Variants in TCF20 observed in about 807,000 individuals in gnomAD.
TCF20 encodes SPRE-binding protein.
In TCF20, 3 loss-of-function variants were observed where a neutral mutation model predicts 148.6. That is an observed-to-expected ratio of 0.02 (90% CI 0.01 to 0.05). The LOEUF (loss-of-function observed/expected upper bound fraction) is 0.05, where lower values mean the gene tolerates loss of function less well. TCF20 is among the 10% of genes least tolerant of loss of function. The pLI, the probability that TCF20 is intolerant of heterozygous loss-of-function variation, is 1.00. For missense variants in TCF20, 2,350 were observed against 2,429.3 expected (o/e 0.97, Z 0.69); for synonymous variants, 1,049 against 909.5 (o/e 1.15, Z -2.76).
intron 1 of TCF20, among the ~76,000 whole-genome samples, chr22:42,332,427 T>C (rs887765348): frequency 6.6e-6 from 1 of 152,146 alleles, no homozygotes; most frequent in Non-Finnish European, 1.5e-5. Context: ...GATGGCAATG[T>C]AAGCAAGGGC....
At chr22:42,319,624 G>A (rs1441265689) in intron 1 of TCF20, among the ~76,000 whole-genome samples, 2 of 152,174 alleles carry the variant, frequency 1.3e-5, no homozygotes, top group East Asian at 1.9e-4. Flanking sequence ...TTCTACCAGC[G>A]CTGGAACTTT....
rs555602409 is a variant in TCF20, at chr22:42,194,137, A to AT, written c.5656-14436dup. ...GGGTCCGTGGGAAAAGTGAGTCTTT[A>AT]TGTGGCTGGATCATTTCCTGGGGTT... On this transcript the variant is annotated intron_variant, in intron 2 of 5. Transcript: ENST00000677622. Among the ~76,000 whole-genome samples, 701 of 152,326 alleles carry AT rather than the reference A, an allele frequency of 4.6e-3. 11 individuals carry two copies. The highest frequency in any genetic ancestry group is 0.016 in the African/African-American group (674 of 41,570).
intron 1 of TCF20, among the ~76,000 whole-genome samples, chr22:42,235,141 C>CAAAA (rs34834610): frequency 2.5e-4 from 27 of 109,232 alleles, no homozygotes; most frequent in African/African-American, 1.1e-3. Context: ...GACTCTGTCT[C>CAAAA]AAAAAAAAAA....
chr22:42,263,113 A>G (rs1926110267), intron 1 of TCF20, among the ~76,000 whole-genome samples: 2 of 152,210 alleles, frequency 1.3e-5, no homozygotes, highest in Admixed American at 1.3e-4. Context: ...CGTTGCACAG[A>G]TAAGGAAACT....
rs376993832 is a variant in TCF20 at position 42,209,449 on chromosome 22, T to G, written c.5655+202A>C. ...AATATAATAATATGCTTCATAAGCA[T>G]TATACATTTCAAAAAATGAAAAACG... On this transcript the variant is annotated intron_variant, in intron 2 of 5. Transcript: ENST00000677622. Among the ~76,000 whole-genome samples the G allele has an allele frequency of 3.3e-5, 5 of 152,212 alleles. No individual in the cohort carries two copies. The South Asian group carries it at 1.0e-3, about 32-fold the overall frequency.
chr22:42,185,473 G>A (rs557421462), intron 2 of TCF20, among the ~76,000 whole-genome samples: 1 of 152,154 alleles, frequency 6.6e-6, no homozygotes, highest in African/African-American at 2.4e-5. Context: ...TGATGCTGGT[G>A]GAGCTTGGAG....
At chr22:42,184,803 C>G (rs1936968278) in intron 2 of TCF20, among the ~76,000 whole-genome samples, 1 of 152,146 alleles carries the variant, frequency 6.6e-6, no homozygotes, top group Non-Finnish European at 1.5e-5. Flanking sequence ...TTAAAGAACT[C>G]TAATAAGAAC....
intron 1 of TCF20, among the ~76,000 whole-genome samples, chr22:42,246,113 C>A (rs1569182547): frequency 6.6e-6 from 1 of 151,808 alleles, no homozygotes; most frequent in Non-Finnish European, 1.5e-5. Context: ...TTTCTTTTTT[C>A]TTTTTTTTCT....
At chr22:42,273,212 T>C (rs997921179), upstream of TCF20, among the ~76,000 whole-genome samples, 2 of 151,028 alleles carry the variant, frequency 1.3e-5, no homozygotes, top group Non-Finnish European at 3.0e-5. Context: ...ATACAAAAAT[T>C]AGCTGGGCGT....
chr22:42,256,472 GTTT>G (rs59215167), intron 1 of TCF20, among the ~76,000 whole-genome samples: 2 of 139,080 alleles, frequency 1.4e-5, no homozygotes, highest in African/African-American at 2.6e-5. Context: ...ATGTAGCAAA[GTTT>G]TTTTTTTTTT....
Position 42,212,366 on chromosome 22 carries a change from C to T in TCF20, c.2940G>A (p.Pro980=), listed in dbSNP as rs374547518. Residue 980 remains proline (P), a synonymous_variant, in exon 2 of 6, where the codon CCG becomes CCA. Transcript: ENST00000677622. The part of the protein sequence containing the change: ...ATHDSLSDYG[P]QDSRPTPMRR... Reference sequence around the variant, plus strand: ...GCATTGGCGTGGGTCTGCTGTCTTGCGGGCCATAGTCTGAAAGGGAATCAT... The same window carrying T: ...GCATTGGCGTGGGTCTGCTGTCTTGTGGGCCATAGTCTGAAAGGGAATCAT... 173 of 1,614,214 alleles carry T rather than the reference C, an allele frequency of 1.1e-4. No individual in the cohort carries two copies. The highest frequency in any genetic ancestry group is 4.5e-4 in the Admixed American group (27 of 60,030).
intron 1 of TCF20, among the ~76,000 whole-genome samples, chr22:42,251,492 C>CTTTTTTTTTTTTT: frequency 2.1e-5 from 1 of 47,008 alleles, no homozygotes; most frequent in Non-Finnish European, 3.7e-5. Flanking sequence ...AAACAAGTGT[C>CTTTTTTTTTTTTT]TTTTTTTTTT....
In TCF20 at chr22:42,290,873, G is replaced by A. The variant is rs1257395314; in HGVS notation, c.-37+52606C>T. The stretch of plus-strand genomic sequence containing the variant: ...TGAAGACCCTAGAACAGTGCTGGGA[G>A]GACTCACATCTTCAGGGGCTTTGCA... On this transcript the variant is annotated intron_variant, in intron 1 of 1. Transcript: ENST00000515426. The surrounding 1 kb of genome is among the most constrained non-coding windows in gnomAD (Gnocchi z 4.2). 6.6e-6 allele frequency among the ~76,000 whole-genome samples: 1 copy of A among 152,188 alleles called. No homozygotes were observed. Among genetic ancestry groups the A allele is most frequent in the African/African-American group, 2.4e-5 (1 of 41,444 alleles).
At position 42,161,259 on chromosome 22, in the gene TCF20, CGGGCGGGGCG is replaced by C. The variant is rs766608312; in HGVS notation, c.*134_*143del. Reference sequence around the variant, plus strand: ...GGAAGTGCTGGCATGGGCAGGCACGCGGGCGGGGCGGGGCGGGGCAGGGCAGGGTGTGGCT... The same window carrying C: ...GGAAGTGCTGGCATGGGCAGGCACGCGGGCGGGGCAGGGCAGGGTGTGGCT... On this transcript the variant is annotated 3_prime_UTR_variant, in exon 6 of 6. Transcript: ENST00000677622. 7 of 1,315,418 alleles carry C rather than the reference CGGGCGGGGCG, an allele frequency of 5.3e-6. No homozygotes were observed. Among genetic ancestry groups the C allele is most frequent in the Admixed American group, 2.2e-5 (1 of 45,372 alleles). The allele number at this position is 1,315,418 out of a possible 1,614,324, so 81.5% of individuals were successfully genotyped here. A position where few individuals can be genotyped will look rare whatever the true frequency, so the allele number is the denominator to read the frequency against.
At chr22:42,324,279 G>A (rs1927828917) in intron 1 of TCF20, among the ~76,000 whole-genome samples, 1 of 151,928 alleles carries the variant, frequency 6.6e-6, no homozygotes, top group African/African-American at 2.4e-5. Context: ...AAAGGAAAGA[G>A]GGTGTGGGAG....
intron 5 of TCF20, among the ~76,000 whole-genome samples, chr22:42,167,221 C>T (rs1186565942): frequency 6.6e-6 from 1 of 152,190 alleles, no homozygotes; most frequent in African/African-American, 2.4e-5. Context: ...AGAAAGGCAC[C>T]ACACTCAACG....
chr22:42,198,970 C>T (rs185792210), intron 2 of TCF20, among the ~76,000 whole-genome samples: 1 of 152,172 alleles, frequency 6.6e-6, no homozygotes, highest in Admixed American at 6.5e-5. Context: ...CTGCCCCCTC[C>T]AAATATTTCC....
intron 1 of TCF20, among the ~76,000 whole-genome samples, chr22:42,267,083 C>T (rs1312391684): frequency 6.6e-6 from 1 of 151,806 alleles, no homozygotes; most frequent in Admixed American, 6.6e-5. Context: ...GCCTGACCAA[C>T]ATGGAGAAAT....
intron 1 of TCF20, among the ~76,000 whole-genome samples, chr22:42,246,941 G>A (rs1323668524): frequency 6.7e-6 from 1 of 150,132 alleles, no homozygotes; most frequent in Non-Finnish European, 1.5e-5. Flanking sequence ...ACTCCAGCCT[G>A]GGGGACAGAG....
Sources: allele counts gnomAD v4.1 joint callset (sites outside exome capture counted in the v4.1 genomes callset), GRCh38; gene constraint gnomAD v4.1.1; non-coding constraint Gnocchi (gnomAD v3.1); transcripts MANE v1.5; gene names NCBI Gene and HGNC (gene_info 2026-07-23, HGNC 2026-07-21).